The following ERCC4 variants were observed in gnomAD, a reference collection of about 807,000 sequenced individuals.
ERCC4 encodes the protein ERCC excision repair 4, endonuclease catalytic subunit, also known as DNA repair endonuclease XPF.
ERCC4 carries 65 observed loss-of-function variants against 76.9 expected under a neutral mutation model. That is an observed-to-expected ratio of 0.84 (90% CI 0.69 to 1.04). The LOEUF (loss-of-function observed/expected upper bound fraction) is 1.04, where lower values mean the gene tolerates loss of function less well. ERCC4 is among the 50% of genes least tolerant of loss of function. The pLI is 0.00. For synonymous variants in ERCC4, 463 were observed against 410.1 expected (o/e 1.13, Z -1.56); for missense variants, 1,214 against 1,128.2 (o/e 1.08, Z -1.09).
At chr16:13,930,635 T>C (rs535992897) in intron 4 of ERCC4, 75 bp from the exon 5 acceptor site, 17 of 1,107,896 alleles carry the variant, frequency 1.5e-5, no homozygotes, top group Admixed American at 3.7e-5. Context: ...AATAATCCTT[T>C]TGAAAGTATG....
At chr16:13,920,893 G>A (rs1316062098) in intron 1 of ERCC4, among the ~76,000 whole-genome samples, 1 of 152,070 alleles carries the variant, frequency 6.6e-6, no homozygotes, top group East Asian at 1.9e-4. Context: ...TAAGAGGGAT[G>A]GGAGGGGTCC....
intron 6 of ERCC4, chr16:13,932,540 C>T: frequency 1.8e-6 from 1 of 561,900 alleles, no homozygotes; most frequent in Non-Finnish European, 3.1e-6. Context: ...TAACAGATGT[C>T]AAATATTGAT....
Position 13,947,861 on chromosome 16 carries a change from C to T in ERCC4, c.2265C>T (p.Pro755=), listed in dbSNP as rs555317161. 50 of 1,614,132 alleles carry T rather than the reference C, an allele frequency of 3.1e-5. No homozygotes were observed. The South Asian group carries it at 4.4e-4, about 14-fold the overall frequency. ...CISMSRYYKR[P]VLLIEFDPSK... ...CCATGTCCCGCTACTACAAGCGTCC[C>T]GTGCTTCTGATTGAGTTTGACCCTA... Residue 755 remains proline (P), a synonymous_variant, in exon 11 of 11, where the codon CCC becomes CCT. Transcript: ENST00000311895.
chr16:13,934,293 G>A lies in ERCC4; in HGVS notation c.1204G>A (p.Gly402Ser), dbSNP rs200759609. 3 of 1,605,560 alleles carry A rather than the reference G, an allele frequency of 1.9e-6. No individual in the cohort carries two copies. Among genetic ancestry groups the A allele is most frequent in the Non-Finnish European group, 2.6e-6 (3 of 1,172,520 alleles). ...AGAAAATAAGGAGAGTGAAGCTCTT[G>A]GTGGTCCAGGTAGGAAAAAAGGAGA... Reference protein sequence around the residue: ...EAENKESEALGGPGQVLICAS... With the variant: ...EAENKESEALSGPGQVLICAS... Residue 402 changes from glycine to serine, a missense_variant, in exon 7 of 11, where the codon GGT becomes AGT. Physicochemically the swap from Gly to Ser is moderately conservative, Grantham distance 56. Transcript: ENST00000311895.
chr16:13,952,232 A>G lies in ERCC4; in HGVS notation c.*3885A>G, dbSNP rs1437262289. The G allele has an allele frequency of 5.3e-6, 1 of 187,728 alleles. No individual in the cohort carries two copies. The highest frequency in any genetic ancestry group is 1.1e-5 in the Non-Finnish European group (1 of 89,112). 11.6% of individuals were successfully genotyped at this position (187,728 alleles called of 1,614,324 possible). A position where few individuals can be genotyped will look rare whatever the true frequency, so the allele number is the denominator to read the frequency against. ...TTTTATGGGCAAAGTAAAAATAACA[A>G]TGCATAGTGAAAGGGCATATATTAC... is the stretch of plus-strand genomic sequence containing the variant. On this transcript the variant is annotated 3_prime_UTR_variant, in exon 11 of 11. Transcript: ENST00000311895.
In ERCC4 at chr16:13,926,608, G is replaced by A. The variant is rs1642893779; in HGVS notation, c.436G>A (p.Ala146Thr). 2.5e-6 allele frequency: 4 copies of A among 1,614,170 alleles called. No homozygotes were observed. Among genetic ancestry groups the A allele is most frequent in the Non-Finnish European group, 3.4e-6 (4 of 1,180,018 alleles). ...CAGAATAATCGAGTCTTGTCAAGAA[G>A]CATTCATCTTGCGCCTCTTTCGCCA... Reference protein sequence around the residue: ...AHRIIESCQEAFILRLFRQKN... With the variant: ...AHRIIESCQETFILRLFRQKN... Residue 146 changes from alanine to threonine, a missense_variant, in exon 3 of 11, where the codon GCA becomes ACA. By Grantham distance (58) the Ala-to-Thr change is moderately conservative (BLOSUM62 0). Coordinates refer to ENST00000311895, the MANE Select transcript of ERCC4 (RefSeq NM_005236.3).
intron 10 of ERCC4, 83 bp downstream of exon 10, chr16:13,944,918 C>G: frequency 1.1e-6 from 1 of 892,454 alleles, no homozygotes; most frequent in Non-Finnish European, 1.9e-6. Context: ...AAGGCTTGGT[C>G]TGTATTAACA....
chr16:13,932,701 C>T (rs933110980), intron 6 of ERCC4: 16 of 226,708 alleles, frequency 7.1e-5, no homozygotes, highest in South Asian at 4.0e-4. Flanking sequence ...TGCTTGAGCC[C>T]GGGAGTTCAA....
intron 5 of ERCC4, 101 bp from the exon 6 acceptor site, chr16:13,932,056 A>G (rs2032182048): frequency 2.0e-6 from 2 of 990,618 alleles, no homozygotes; most frequent in South Asian, 1.3e-5. Context: ...GTAGGAAGAC[A>G]GGATGACAGC....
intron 5 of ERCC4, chr16:13,931,825 A>G (rs1443966635): frequency 3.8e-6 from 1 of 262,014 alleles, no homozygotes; most frequent in Admixed American, 4.9e-5. Context: ...CCTATTAACA[A>G]CATTGCAAAT....
At chr16:13,946,829 C>T (rs907018888) in intron 10 of ERCC4, among the ~76,000 whole-genome samples, 5 of 152,120 alleles carry the variant, frequency 3.3e-5, no homozygotes, top group African/African-American at 1.2e-4. Flanking sequence ...GGTGCAGTCT[C>T]GGCTAACTGC....
At position 13,948,667 on chromosome 16, in the gene ERCC4, A is replaced by T; in HGVS notation, c.*320A>T. 2.8e-6 allele frequency: 1 copy of T among 354,054 alleles called. No homozygotes were observed. The highest frequency in any genetic ancestry group is 4.3e-5 in the South Asian group (1 of 23,156). The allele number at this position is 354,054 out of a possible 1,614,324, so 21.9% of individuals were successfully genotyped here. A position where few individuals can be genotyped will look rare whatever the true frequency, so the allele number is the denominator to read the frequency against. On this transcript the variant is annotated 3_prime_UTR_variant, in exon 11 of 11. Coordinates refer to ENST00000311895, the MANE Select transcript of ERCC4 (RefSeq NM_005236.3). The stretch of plus-strand genomic sequence containing the variant: ...TAGAAACTTTACCTGATCCTAACAG[A>T]TCTCATTTAGAAAGGAATATGCTAA...
At chr16:13,937,191 C>T (rs894784214) in intron 8 of ERCC4, among the ~76,000 whole-genome samples, 1 of 151,208 alleles carries the variant, frequency 6.6e-6, no homozygotes, top group Non-Finnish European at 1.5e-5. Context: ...GCTGGGATTA[C>T]AGGTGTGAGC....
At chr16:13,942,206 T>C (rs539852609) in intron 9 of ERCC4, among the ~76,000 whole-genome samples, 1 of 152,368 alleles carries the variant, frequency 6.6e-6, no homozygotes, top group South Asian at 2.1e-4. Context: ...TGGATAATTA[T>C]GCCACATGTT....
chr16:13,949,601 A>T lies in ERCC4; in HGVS notation c.*1254A>T, dbSNP rs931897187. The T allele has an allele frequency of 4.3e-6, 1 of 232,690 alleles. No individual in the cohort carries two copies. Among genetic ancestry groups the T allele is most frequent in the Non-Finnish European group, 8.5e-6 (1 of 117,794 alleles). The allele number at this position is 232,690 out of a possible 1,614,324, so 14.4% of individuals were successfully genotyped here. On this transcript the variant is annotated 3_prime_UTR_variant, in exon 11 of 11. Coordinates refer to ENST00000311895, the MANE Select transcript of ERCC4 (RefSeq NM_005236.3). ...GTGTAGGTAAATGAAAGATCAATGT[A>T]TGGAATATATAAAAATACGAAAGAA...
At chr16:13,945,261 A>T (rs774104583) in intron 10 of ERCC4, among the ~76,000 whole-genome samples, 1 of 152,124 alleles carries the variant, frequency 6.6e-6, no homozygotes, top group Admixed American at 6.5e-5. Context: ...CCTTAGTTGT[A>T]TACATAGGTG....
chr16:13,924,895 G>A (rs1345577097), intron 2 of ERCC4, among the ~76,000 whole-genome samples: 1 of 151,908 alleles, frequency 6.6e-6, no homozygotes, highest in Non-Finnish European at 1.5e-5. Context: ...AAATGTCATA[G>A]GAACAAAAAA....
rs1462713058 is a variant in ERCC4, at chr16:13,926,560, G to A, written c.389-1G>A. The stretch of plus-strand genomic sequence containing the variant: ...GTTTAAATTATGTTTCTCCCCCTCA[G>A]GCATCTTGGTGTATAGAGCCCACAG... On this transcript the variant is annotated splice_acceptor_variant, in intron 2 of 10. Transcript: ENST00000311895. LOFTEE classifies it high-confidence loss of function. 1 of 1,613,284 alleles carries A rather than the reference G, an allele frequency of 6.2e-7. No individual in the cohort carries two copies. Among genetic ancestry groups the A allele is most frequent in the Non-Finnish European group, 8.5e-7 (1 of 1,179,272 alleles).
At chr16:13,930,987 A>G in intron 5 of ERCC4, 97 bp downstream of exon 5, 1 of 795,716 alleles carries the variant, frequency 1.3e-6, no homozygotes, top group Non-Finnish European at 2.2e-6. Context: ...ATATTCAACT[A>G]TATGTTATAC....
Sources: gnomAD v4.1 joint callset for allele counts (sites outside exome capture counted in the v4.1 genomes callset) on GRCh38, gnomAD v4.1.1 for gene constraint, MANE v1.5 for transcripts, NCBI Gene and HGNC (gene_info 2026-07-23, HGNC 2026-07-21) for gene names.